The following BRD4 variants were observed in gnomAD, a reference collection of about 807,000 sequenced individuals.
BRD4 encodes the protein bromodomain-containing protein 4.
BRD4 carries 16 observed loss-of-function variants against 142.1 expected under a neutral mutation model. The ratio of observed to expected loss-of-function variants is 0.11; its 90% confidence interval spans 0.08 to 0.17. The LOEUF is 0.17. BRD4 is among the 10% of genes least tolerant of loss of function. The pLI is 1.00. For synonymous variants in BRD4, 833 were observed against 707.5 expected, an observed-to-expected ratio of 1.18 and a Z score of -2.82; for missense variants, 1,424 against 1,810.9, an observed-to-expected ratio of 0.79 and a Z score of 3.88.
At chr19:15,276,632 G>A (rs1316796579) in intron 1 of BRD4, among the ~76,000 whole-genome samples, 3 of 152,130 alleles carry the variant, frequency 2.0e-5, no homozygotes, top group African/African-American at 7.2e-5. Context: ...CCAGCACACA[G>A]GAGGTGAACC....
chr19:15,323,624 C>T (rs537046767), intron 1 of BRD4, among the ~76,000 whole-genome samples: 273 of 152,318 alleles, frequency 1.8e-3, no homozygotes, highest in Middle Eastern at 0.01. Flanking sequence ...ATTAGCAACA[C>T]ACAAGGACAC....
intron 1 of BRD4, among the ~76,000 whole-genome samples, chr19:15,322,382 C>A (rs897090957): frequency 6.6e-6 from 1 of 151,984 alleles, no homozygotes; most frequent in Non-Finnish European, 1.5e-5. Context: ...CGCCATTCTC[C>A]TCCCTCAAGC....
intron 4 of BRD4, among the ~76,000 whole-genome samples, chr19:15,266,349 G>A (rs142286071): frequency 1.3e-5 from 2 of 152,180 alleles, no homozygotes; most frequent in African/African-American, 4.8e-5. Flanking sequence ...AAGACACCCA[G>A]TGCCTTCATC....
intron 9 of BRD4, among the ~76,000 whole-genome samples, chr19:15,255,799 G>C (rs1046275247): frequency 6.6e-6 from 1 of 152,242 alleles, no homozygotes; most frequent in Non-Finnish European, 1.5e-5. Flanking sequence ...CTGCCCAAGT[G>C]GGGGATGCAC....
intron 1 of BRD4, among the ~76,000 whole-genome samples, chr19:15,316,982 G>A (rs1249687983): frequency 1.3e-5 from 2 of 152,194 alleles, no homozygotes; most frequent in Non-Finnish European, 2.9e-5. Context: ...GGACATCTTG[G>A]AAAGCACTTC....
At chr19:15,299,260 T>C (rs946416718) in intron 1 of BRD4, among the ~76,000 whole-genome samples, 1 of 152,154 alleles carries the variant, frequency 6.6e-6, no homozygotes, top group Non-Finnish European at 1.5e-5. Flanking sequence ...GAATGACCCC[T>C]GCCATTTTAA....
intron 1 of BRD4, among the ~76,000 whole-genome samples, chr19:15,314,843 T>A (rs948999472): frequency 1.3e-5 from 2 of 152,038 alleles, no homozygotes; most frequent in Non-Finnish European, 2.9e-5. Context: ...CTTTGGAAAT[T>A]GGGTAATACA....
rs971737368 is a variant in BRD4 at position 15,256,121 on chromosome 19, G to A, written c.1694C>T (p.Ala565Val). 8 of 1,611,712 alleles carry A rather than the reference G, an allele frequency of 5.0e-6. No homozygotes were observed. The highest frequency in any genetic ancestry group is 4.5e-5 in the East Asian group (2 of 44,892). The change falls in exon 9 of 20, where the codon GCC becomes GTC. Residue 565 changes from alanine to valine, a missense_variant. Coordinates refer to ENST00000679869, the MANE Select transcript of BRD4 (RefSeq NM_001379291.1). ...CGTCTTTTTAGGAGGAGGTTCCTTG[G>A]CTTTGCTTTTTTTATTCTCTTCCAC... Reference protein sequence around the residue: ...EEVEENKKSKAKEPPPKKTKK... With the variant: ...EEVEENKKSKVKEPPPKKTKK...
intron 1 of BRD4, among the ~76,000 whole-genome samples, chr19:15,297,937 T>A (rs2047837333): frequency 6.6e-6 from 1 of 152,194 alleles, no homozygotes; most frequent in Non-Finnish European, 1.5e-5. Flanking sequence ...ATTTCTGCAA[T>A]CCTGCCTGCA....
intron 1 of BRD4, among the ~76,000 whole-genome samples, chr19:15,306,815 GATA>G (rs1376604067): frequency 6.6e-6 from 1 of 152,090 alleles, no homozygotes; most frequent in Non-Finnish European, 1.5e-5. Context: ...CCAAAACTAT[GATA>G]ATGACACCCA....
At chr19:15,306,808 A>G (rs1488972212) in intron 1 of BRD4, among the ~76,000 whole-genome samples, 2 of 152,122 alleles carry the variant, frequency 1.3e-5, no homozygotes, top group Non-Finnish European at 2.9e-5. Flanking sequence ...TGGTTCCCCA[A>G]AACTATGATA....
Position 15,265,634 on chromosome 19 carries a change from T to C in BRD4, c.569A>G (p.Lys190Arg). The C allele has an allele frequency of 6.2e-7, 1 of 1,614,014 alleles. No individual in the cohort carries two copies. The highest frequency in any genetic ancestry group is 8.5e-7 in the Non-Finnish European group (1 of 1,180,000). The stretch of plus-strand genomic sequence containing the variant: ...GTTTGGTACCGTGGAAACGCCAGGT[T>C]TTGCTGTCCCTACAAATCATAATAA... ...GRGRKETGTA[K>R]PGVSTVPNTT... The change falls in exon 5 of 20, where the codon AAA becomes AGA. Residue 190 changes from lysine (K) to arginine (R), a missense_variant. Around this residue, in one of 16 missense-constraint regions of BRD4, gnomAD observed 140 missense variants for 131.7 expected, o/e 1.06. Transcript: ENST00000679869.
intron 1 of BRD4, among the ~76,000 whole-genome samples, chr19:15,318,054 T>G (rs1478152929): frequency 2.0e-5 from 3 of 152,222 alleles, no homozygotes; most frequent in Admixed American, 1.3e-4. Context: ...GAAAACAACC[T>G]ACACACAGAT....
chr19:15,264,313 G>GCTTCCTC, intron 6 of BRD4, 91 bp downstream of exon 6: 1 of 1,480,144 alleles, frequency 6.8e-7, no homozygotes, highest in Non-Finnish European at 9.0e-7. Context: ...CAGGGCCTGG[G>GCTTCCTC]CTTCCTCTTG....
At chr19:15,255,809 C>T (rs1002847829) in intron 9 of BRD4, among the ~76,000 whole-genome samples, 18 of 152,248 alleles carry the variant, frequency 1.2e-4, no homozygotes, top group African/African-American at 4.3e-4. Context: ...GGGGGATGCA[C>T]TACAGCCCCA....
Position 15,256,924 on chromosome 19 carries a change from G to A in BRD4, c.1551+40C>T, listed in dbSNP as rs753066085. On this transcript the variant is annotated intron_variant, in intron 8 of 19. Transcript: ENST00000679869. Reference sequence around the variant, plus strand: ...TTCTGGGGAGGCCACCCTGGTCCACGGACTCTGGGGATTAAGAATGGAGCC... The same window carrying A: ...TTCTGGGGAGGCCACCCTGGTCCACAGACTCTGGGGATTAAGAATGGAGCC... 7 of 1,505,126 alleles carry A rather than the reference G, an allele frequency of 4.7e-6. No individual in the cohort carries two copies. In the Admixed American group the frequency reaches 6.3e-5, roughly 13 times the overall value. The allele number at this position is 1,505,126 out of a possible 1,614,324, so 93.2% of individuals were successfully genotyped here.
intron 1 of BRD4, among the ~76,000 whole-genome samples, chr19:15,300,001 T>C (rs1352503506): frequency 2.0e-5 from 3 of 152,070 alleles, no homozygotes; most frequent in Admixed American, 6.5e-5. Flanking sequence ...TCCCAGCACT[T>C]TGGGAGGCTG....
At position 15,304,402 on chromosome 19, in the gene BRD4, T is replaced by C. The variant is rs554655891; in HGVS notation, c.-35+27888A>G. Among the ~76,000 whole-genome samples, 8 of 151,982 alleles carry C rather than the reference T, an allele frequency of 5.3e-5. No homozygotes were observed. In the South Asian group the frequency reaches 1.7e-3, roughly 32 times the overall value. Reference sequence around the variant, plus strand: ...CAGCCTTGTCACTGTGCCGGGGGAGTAGGAAACAGTTAAAACACATTTTTA... The same window carrying C: ...CAGCCTTGTCACTGTGCCGGGGGAGCAGGAAACAGTTAAAACACATTTTTA... On this transcript the variant is annotated intron_variant, in intron 1 of 19. Transcript: ENST00000679869.
intron 1 of BRD4, among the ~76,000 whole-genome samples, chr19:15,279,463 T>C (rs1305990576): frequency 1.3e-5 from 2 of 152,200 alleles, no homozygotes; most frequent in African/African-American, 2.4e-5. Context: ...CATCAAGTCA[T>C]AGTTCTCTCC....
Sources: gnomAD v4.1 joint callset for allele counts (sites outside exome capture counted in the v4.1 genomes callset) on GRCh38, gnomAD v4.1.1 for gene constraint, gnomAD v4.1.1 regional missense constraint, MANE v1.5 for transcripts, NCBI Gene and HGNC (gene_info 2026-07-23, HGNC 2026-07-21) for gene names.